Variants in PDE4D observed in about 807,000 individuals in gnomAD.
PDE4D encodes phosphodiesterase 4D, also known as 3',5'-cyclic-AMP phosphodiesterase 4D.
Under a neutral mutation model 87.4 loss-of-function variants are expected in PDE4D, and 24 were observed. The observed-to-expected ratio is 0.27, with a 90% confidence interval of 0.20 to 0.39. The LOEUF (loss-of-function observed/expected upper bound fraction) is 0.39. PDE4D is among the 10% of genes least tolerant of loss of function. PDE4D has a pLI of 1.00. For missense variants in PDE4D, 714 were observed against 1,041.0 expected (o/e 0.69, Z 4.32); for synonymous variants, 384 against 383.2 (o/e 1.00, Z -0.02).
intron 1 of PDE4D, among the ~76,000 whole-genome samples, chr5:59,561,873 A>C (rs1231719500): frequency 6.6e-6 from 1 of 151,860 alleles, no homozygotes; most frequent in Non-Finnish European, 1.5e-5. Context: ...CAGATGTTGC[A>C]GTGAGCTGAG....
chr5:60,340,501 A>C (rs979634914), intron 1 of PDE4D, among the ~76,000 whole-genome samples: 1 of 151,762 alleles, frequency 6.6e-6, no homozygotes, highest in Non-Finnish European at 1.5e-5. Context: ...CAATCCTCCC[A>C]CATCTCCAAG....
intron 1 of PDE4D, among the ~76,000 whole-genome samples, chr5:60,265,844 G>T (rs1750149918): frequency 6.6e-6 from 1 of 152,146 alleles, no homozygotes; most frequent in Admixed American, 6.5e-5. Flanking sequence ...AGGAGAGCAA[G>T]GTGATTCTTT....
intron 1 of PDE4D, among the ~76,000 whole-genome samples, chr5:59,478,152 C>A (rs7705360): frequency 0.019 from 2,955 of 151,994 alleles, 98 homozygotes; most frequent in African/African-American, 0.068. Flanking sequence ...TACAATATAC[C>A]CATGTAACAA....
At chr5:59,433,367 A>C (rs1796378485) in intron 1 of PDE4D, among the ~76,000 whole-genome samples, 1 of 152,016 alleles carries the variant, frequency 6.6e-6, no homozygotes, top group Non-Finnish European at 1.5e-5. Flanking sequence ...GATTACCTGT[A>C]CTTAAATTTG....
Position 60,086,519 on chromosome 5 carries a change from T to C in PDE4D, c.43-97802A>G, listed in dbSNP as rs183751032. Among the ~76,000 whole-genome samples, 14 of 152,354 alleles carry C rather than the reference T, an allele frequency of 9.2e-5. No homozygotes were observed. The East Asian group carries it at 2.1e-3, about 23-fold the overall frequency. ...CAGTAGAGAGAGTCATCAAGCTTCA[T>C]AGCATTTACTAAAAGCTTTAGCCAT... On this transcript the variant is annotated intron_variant, in intron 2 of 16. Transcript: ENST00000502484.
intron 2 of PDE4D, among the ~76,000 whole-genome samples, chr5:60,015,013 G>T (rs1582183958): frequency 6.6e-6 from 1 of 152,102 alleles, no homozygotes; most frequent in South Asian, 2.1e-4. Flanking sequence ...ATGAAGCACC[G>T]ATTGCTATGT....
chr5:60,135,638 G>C (rs1365765787), intron 2 of PDE4D, among the ~76,000 whole-genome samples: 1 of 152,150 alleles, frequency 6.6e-6, no homozygotes, highest in African/African-American at 2.4e-5. Flanking sequence ...GTAGAAAGAA[G>C]TTAGGAGCCA....
Position 59,830,214 on chromosome 5 carries a change from CAGA to C in PDE4D, c.455+62951_455+62953del, listed in dbSNP as rs563506796. ...ACCTGTAATTGGACAACAAAAGGAC[CAGA>C]AGAGAGACAGGCTCCCTTGCTAGTG... is the stretch of plus-strand genomic sequence containing the variant. On this transcript the variant is annotated intron_variant, in intron 1 of 14. Transcript: ENST00000340635. Among the ~76,000 whole-genome samples the C allele has an allele frequency of 1.3e-3, 196 of 152,108 alleles. 1 individual carries two copies. The highest frequency in any genetic ancestry group is 1.9e-3 in the Non-Finnish European group (128 of 67,934).
intron 1 of PDE4D, among the ~76,000 whole-genome samples, chr5:60,427,370 C>T (rs995209230): frequency 6.6e-6 from 1 of 152,110 alleles, no homozygotes; most frequent in Non-Finnish European, 1.5e-5. Context: ...TTATGAGAAA[C>T]AGTGGGGACT....
intron 1 of PDE4D, among the ~76,000 whole-genome samples, chr5:59,526,760 A>C (rs1387769321): frequency 1.3e-5 from 2 of 152,100 alleles, no homozygotes; most frequent in Admixed American, 1.3e-4. Context: ...AGTAGCTAGG[A>C]CTACATGTGC....
chr5:59,977,284 C>A (rs1328587423), intron 3 of PDE4D, among the ~76,000 whole-genome samples: 1 of 152,128 alleles, frequency 6.6e-6, no homozygotes, highest in Admixed American at 6.5e-5. Flanking sequence ...GACAAGAAAG[C>A]CAAACAGCCT....
intron 1 of PDE4D, among the ~76,000 whole-genome samples, chr5:59,653,283 T>G (rs900616348): frequency 6.7e-6 from 1 of 149,354 alleles, no homozygotes; most frequent in African/African-American, 2.5e-5. Flanking sequence ...CTCTGCTCAC[T>G]GCAAGCTGCA....
chr5:60,032,489 A>G (rs1767346965), intron 2 of PDE4D, among the ~76,000 whole-genome samples: 1 of 152,132 alleles, frequency 6.6e-6, no homozygotes, highest in African/African-American at 2.4e-5. Flanking sequence ...TCCAGGACTC[A>G]TTTGTTTTAA....
In PDE4D at chr5:59,371,657, G is replaced by T. The variant is rs139164565; in HGVS notation, c.456-155689C>A. 5.3e-5 allele frequency among the ~76,000 whole-genome samples: 8 copies of T among 152,274 alleles called. No individual in the cohort carries two copies. In the East Asian group the frequency reaches 1.5e-3, roughly 29 times the overall value. Reference sequence around the variant, plus strand: ...AGTGAACCTACTATAGATATGAAAAGCTCATATTCATTCTTCTTCAGGTTA... The same window carrying T: ...AGTGAACCTACTATAGATATGAAAATCTCATATTCATTCTTCTTCAGGTTA... On this transcript the variant is annotated intron_variant, in intron 1 of 14. Transcript: ENST00000340635.
intron 1 of PDE4D, among the ~76,000 whole-genome samples, chr5:59,731,900 A>G (rs755461328): frequency 1.3e-5 from 2 of 152,208 alleles, no homozygotes; most frequent in South Asian, 2.1e-4. Context: ...TGTAAAGTGC[A>G]TTATAACTGA....
At chr5:60,140,679 A>T (rs918917192) in intron 2 of PDE4D, among the ~76,000 whole-genome samples, 31 of 152,154 alleles carry the variant, frequency 2.0e-4, no homozygotes, top group African/African-American at 7.5e-4. Flanking sequence ...GCATCATGAA[A>T]TTCCATAAAT....
At chr5:60,269,642 G>A (rs1292801594) in intron 1 of PDE4D, among the ~76,000 whole-genome samples, 1 of 152,126 alleles carries the variant, frequency 6.6e-6, no homozygotes, top group Non-Finnish European at 1.5e-5. Flanking sequence ...TGTACACCAT[G>A]GTGACTGCAA....
At chr5:59,577,827 G>A (rs1304976904) in intron 1 of PDE4D, among the ~76,000 whole-genome samples, 1 of 151,942 alleles carries the variant, frequency 6.6e-6, no homozygotes, top group Non-Finnish European at 1.5e-5. Flanking sequence ...AAATTATAAG[G>A]CTATTTAATA....
chr5:59,451,085 G>A (rs1409935686), intron 1 of PDE4D, among the ~76,000 whole-genome samples: 1 of 152,112 alleles, frequency 6.6e-6, no homozygotes, highest in Non-Finnish European at 1.5e-5. Flanking sequence ...TCTGGTTTAT[G>A]CTCCTACTAT....
Sources: allele counts gnomAD v4.1 joint callset (sites outside exome capture counted in the v4.1 genomes callset), GRCh38; gene constraint gnomAD v4.1.1; transcripts MANE v1.5; gene names NCBI Gene and HGNC (gene_info 2026-07-23, HGNC 2026-07-21).